Variants in PTPRD observed in about 807,000 individuals in gnomAD.
PTPRD encodes the protein protein tyrosine phosphatase receptor type D, also known as receptor-type tyrosine-protein phosphatase delta.
A neutral mutation model predicts 214.5 loss-of-function variants in PTPRD; 34 were observed. That is an observed-to-expected ratio of 0.16 (90% CI 0.12 to 0.21). The LOEUF (loss-of-function observed/expected upper bound fraction) is 0.21, where lower values mean the gene tolerates loss of function less well. Among genes scored for constraint, PTPRD ranks in the 10% least tolerant of loss-of-function variants. The pLI is 1.00. For missense variants in PTPRD, 2,545 were observed against 2,398.7 expected, an observed-to-expected ratio of 1.06 and a Z score of -1.27; for synonymous variants, 1,128 against 845.7, an observed-to-expected ratio of 1.33 and a Z score of -5.79.
At chr9:8,825,322 T>C (rs910111533) in intron 11 of PTPRD, among the ~76,000 whole-genome samples, 4 of 152,218 alleles carry the variant, frequency 2.6e-5, no homozygotes, top group African/African-American at 9.6e-5. Context: ...AGTTAAAGCC[T>C]TGGTAAAATA....
At chr9:8,403,829 GA>G (rs2092697708) in intron 36 of PTPRD, among the ~76,000 whole-genome samples, 1 of 152,214 alleles carries the variant, frequency 6.6e-6, no homozygotes, top group South Asian at 2.1e-4. Context: ...TGGATATCCA[GA>G]TTTATTTACA....
At chr9:8,672,726 A>G (rs1227419297) in intron 12 of PTPRD, among the ~76,000 whole-genome samples, 1 of 152,062 alleles carries the variant, frequency 6.6e-6, no homozygotes, top group African/African-American at 2.4e-5. Flanking sequence ...TCAGATGAAC[A>G]GATAAAAATG....
chr9:9,839,402 C>T (rs571014074), intron 5 of PTPRD, among the ~76,000 whole-genome samples: 1 of 152,090 alleles, frequency 6.6e-6, no homozygotes, highest in Non-Finnish European at 1.5e-5. Flanking sequence ...TTCTTACACA[C>T]CAATAACAGA....
intron 11 of PTPRD, among the ~76,000 whole-genome samples, chr9:8,801,942 G>A (rs1390756725): frequency 1.3e-5 from 2 of 152,100 alleles, no homozygotes; most frequent in African/African-American, 2.4e-5. Flanking sequence ...GGAGAGGAGG[G>A]AAATGTGAAC....
At chr9:9,151,842 T>G (rs570222892) in intron 10 of PTPRD, among the ~76,000 whole-genome samples, 2 of 152,320 alleles carry the variant, frequency 1.3e-5, no homozygotes, top group South Asian at 4.1e-4. Flanking sequence ...AGATCACGCC[T>G]GGGCCAGTTA....
chr9:8,919,954 G>A (rs1449793722), intron 11 of PTPRD, among the ~76,000 whole-genome samples: 1 of 141,856 alleles, frequency 7.0e-6, no homozygotes, highest in Non-Finnish European at 1.6e-5. Context: ...ACACATGTAT[G>A]TATACGTGTG....
At chr9:9,419,157 AC>A (rs2077914781) in intron 8 of PTPRD, among the ~76,000 whole-genome samples, 1 of 151,056 alleles carries the variant, frequency 6.6e-6, no homozygotes, top group African/African-American at 2.4e-5. Flanking sequence ...ACACACACAC[AC>A]ACACACAAGC....
At chr9:10,518,699 AT>A (rs1285112474) in intron 2 of PTPRD, among the ~76,000 whole-genome samples, 1 of 151,674 alleles carries the variant, frequency 6.6e-6, no homozygotes, top group Admixed American at 6.6e-5. Flanking sequence ...CACCCGGCTA[AT>A]TTTTTGTATT....
intron 14 of PTPRD, among the ~76,000 whole-genome samples, chr9:8,581,105 T>G (rs77865707): frequency 0.031 from 4,700 of 152,206 alleles, 122 homozygotes; most frequent in Non-Finnish European, 0.051. Context: ...AAGAATAAAC[T>G]CCAGGGTGAG....
chr9:10,082,916 T>C (rs966627169), intron 3 of PTPRD, among the ~76,000 whole-genome samples: 2 of 151,794 alleles, frequency 1.3e-5, no homozygotes, highest in East Asian at 1.9e-4. Flanking sequence ...TTTGTTTACA[T>C]TGATGATTAT....
intron 10 of PTPRD, chr9:9,091,075 G>C (rs1021614045): frequency 6.8e-7 from 1 of 1,478,072 alleles, no homozygotes; most frequent in Non-Finnish European, 9.3e-7. Context: ...GAGCGTCTTC[G>C]ATGCCTATGT....
At chr9:9,272,580 C>T (rs1384553482) in intron 9 of PTPRD, among the ~76,000 whole-genome samples, 1 of 151,268 alleles carries the variant, frequency 6.6e-6, no homozygotes, top group Non-Finnish European at 1.5e-5. Context: ...ATGCCATTAT[C>T]TTTGCTGTAG....
chr9:10,313,666 A>G (rs1389346628), intron 3 of PTPRD, among the ~76,000 whole-genome samples: 1 of 151,930 alleles, frequency 6.6e-6, no homozygotes, highest in African/African-American at 2.4e-5. Context: ...TATAGCCATT[A>G]AGTCTACTGC....
At chr9:10,467,272 C>T (rs73644464) in intron 2 of PTPRD, among the ~76,000 whole-genome samples, 1 of 152,188 alleles carries the variant, frequency 6.6e-6, no homozygotes, top group South Asian at 2.1e-4. Context: ...GGGAATAAAC[C>T]TGTCAATATA....
intron 39 of PTPRD, among the ~76,000 whole-genome samples, chr9:8,351,140 G>T (rs1012418604): frequency 1.4e-4 from 22 of 152,152 alleles, no homozygotes; most frequent in African/African-American, 5.1e-4. Context: ...TAAAAAGAAT[G>T]AAGCGAATCC....
At chr9:9,928,103 G>A (rs1225117818) in intron 5 of PTPRD, among the ~76,000 whole-genome samples, 1 of 152,042 alleles carries the variant, frequency 6.6e-6, no homozygotes, top group South Asian at 2.1e-4. Flanking sequence ...GTATTGTAGT[G>A]CTCCAGAAAA....
chr9:10,469,939 G>A (rs1467257351), intron 2 of PTPRD, among the ~76,000 whole-genome samples: 1 of 148,768 alleles, frequency 6.7e-6, no homozygotes, highest in Non-Finnish European at 1.5e-5. Flanking sequence ...TCATATGTGA[G>A]AGCTGAAAAA....
intron 9 of PTPRD, among the ~76,000 whole-genome samples, chr9:9,348,929 T>C (rs1424401843): frequency 4.6e-5 from 7 of 152,138 alleles, no homozygotes; most frequent in Non-Finnish European, 1.0e-4. Flanking sequence ...TGTATTTTAA[T>C]TAATTCAGGA....
At chr9:10,244,895 G>A (rs2091824383) in intron 3 of PTPRD, among the ~76,000 whole-genome samples, 1 of 152,150 alleles carries the variant, frequency 6.6e-6, no homozygotes, top group East Asian at 1.9e-4. Flanking sequence ...TTGGACTCCA[G>A]ACATGAGTCT....
Sources: allele counts gnomAD v4.1 joint callset (sites outside exome capture counted in the v4.1 genomes callset), GRCh38; gene constraint gnomAD v4.1.1; transcripts MANE v1.5; gene names NCBI Gene and HGNC (gene_info 2026-07-23, HGNC 2026-07-21).